The following PPFIA2 variants were observed in gnomAD, a reference collection of about 807,000 sequenced individuals.
PPFIA2 encodes PPFI scaffold protein A2.
Under a neutral mutation model 175.5 loss-of-function variants are expected in PPFIA2, and 46 were observed. The ratio of observed to expected loss-of-function variants is 0.26; its 90% CI spans 0.21 to 0.34. The LOEUF is 0.34. Ranked by LOEUF, PPFIA2 falls within the 10% of genes least tolerant of loss-of-function variation. The pLI, the probability that PPFIA2 is intolerant of heterozygous loss-of-function variation, is 1.00. For missense variants in PPFIA2, 1,179 were observed against 1,506.1 expected (o/e 0.78, Z 3.60); for synonymous variants, 568 against 511.4 (o/e 1.11, Z -1.49).
intron 4 of PPFIA2, among the ~76,000 whole-genome samples, chr12:81,652,453 G>A (rs879377468): frequency 9.2e-5 from 14 of 151,742 alleles, no homozygotes; most frequent in Non-Finnish European, 1.9e-4. Flanking sequence ...ATGTATTGCT[G>A]AGGAAAATTT....
intron 4 of PPFIA2, among the ~76,000 whole-genome samples, chr12:81,649,171 A>C (rs2066630848): frequency 6.6e-6 from 1 of 152,150 alleles, no homozygotes; most frequent in Non-Finnish European, 1.5e-5. Flanking sequence ...AAAGGCATGC[A>C]ACAGATTCAG....
chr12:81,577,410 G>C (rs2073742298), intron 4 of PPFIA2, among the ~76,000 whole-genome samples: 1 of 151,820 alleles, frequency 6.6e-6, no homozygotes, highest in South Asian at 2.1e-4. Flanking sequence ...TTCCTACTAA[G>C]AAGAAGCCAT....
At chr12:81,279,078 A>C (rs2041387717) in intron 27 of PPFIA2, 1 of 152,178 alleles carries the variant, frequency 6.6e-6, no homozygotes, top group Admixed American at 6.5e-5. Context: ...AGTGCCCTTA[A>C]AGAGGTAATT....
intron 4 of PPFIA2, among the ~76,000 whole-genome samples, chr12:81,580,179 C>T (rs2074191329): frequency 6.6e-6 from 1 of 151,800 alleles, no homozygotes; most frequent in South Asian, 2.1e-4. Flanking sequence ...ACCTGTTTTG[C>T]ATTCGTGCAT....
At chr12:81,613,903 T>A (rs2061182480) in intron 4 of PPFIA2, among the ~76,000 whole-genome samples, 1 of 152,172 alleles carries the variant, frequency 6.6e-6, no homozygotes, top group Admixed American at 6.5e-5. Flanking sequence ...ATACTTATTC[T>A]AAGATTATTA....
At position 81,258,242 on chromosome 12, in the gene PPFIA2, G is replaced by A. The variant is rs2034397982; in HGVS notation, c.*1452C>T. The A allele has an allele frequency of 6.6e-6, 1 of 152,036 alleles. No homozygotes were observed. The highest frequency in any genetic ancestry group is 2.1e-4 in the South Asian group (1 of 4,830). 9.4% of individuals were successfully genotyped at this position (152,036 alleles called of 1,614,324 possible). A position where few individuals can be genotyped will look rare whatever the true frequency, so the allele number is the denominator to read the frequency against. On this transcript the variant is annotated 3_prime_UTR_variant, in exon 33 of 33. Transcript: ENST00000549396. The stretch of plus-strand genomic sequence containing the variant: ...TAAATTGTCGAGCCTTATGTGACTA[G>A]AAAACAAAGCTTAAACAGAGAACTG...
intron 22 of PPFIA2, among the ~76,000 whole-genome samples, chr12:81,317,812 T>C (rs915975953): frequency 1.3e-5 from 2 of 151,794 alleles, no homozygotes; most frequent in African/African-American, 2.4e-5. Flanking sequence ...TGTTCAGTTC[T>C]CTTCTGAATT....
chr12:81,651,044 C>A (rs1193750764), intron 4 of PPFIA2, among the ~76,000 whole-genome samples: 1 of 152,136 alleles, frequency 6.6e-6, no homozygotes, highest in Non-Finnish European at 1.5e-5. Context: ...AAAATCTTTT[C>A]ACATAAAATG....
intron 4 of PPFIA2, among the ~76,000 whole-genome samples, chr12:81,635,392 T>C (rs960023897): frequency 5.3e-5 from 8 of 152,188 alleles, no homozygotes; most frequent in African/African-American, 1.7e-4. Context: ...TATAAAAATA[T>C]GTGACAGAAA....
intron 4 of PPFIA2, among the ~76,000 whole-genome samples, chr12:81,489,791 C>T (rs972094254): frequency 6.6e-6 from 1 of 151,754 alleles, no homozygotes; most frequent in Non-Finnish European, 1.5e-5. Context: ...ACACTTAATT[C>T]AAAACATTTA....
intron 4 of PPFIA2, among the ~76,000 whole-genome samples, chr12:81,489,442 C>T (rs1270751540): frequency 6.6e-6 from 1 of 151,778 alleles, no homozygotes; most frequent in East Asian, 1.9e-4. Context: ...TGTTTCAATG[C>T]ACCTGTTGAA....
chr12:81,577,386 C>T (rs2073737325), intron 4 of PPFIA2, among the ~76,000 whole-genome samples: 2 of 151,724 alleles, frequency 1.3e-5, no homozygotes, highest in East Asian at 1.9e-4. Context: ...TAGATATAAC[C>T]GTCAAACATA....
At chr12:81,544,834 T>C (rs2066749262) in intron 4 of PPFIA2, among the ~76,000 whole-genome samples, 1 of 152,196 alleles carries the variant, frequency 6.6e-6, no homozygotes, top group Admixed American at 6.6e-5. Flanking sequence ...TCATTACTAC[T>C]GAAGAATTCA....
rs749033306 is a variant in PPFIA2, at chr12:81,384,250, GA to G, written c.763-7del. ...ATAGAACCATTGGACAAACGCTGCAGAAATAGAAAAAGAAATGGCACTTAAG... is the reference window on the plus strand; with the variant it reads ...ATAGAACCATTGGACAAACGCTGCAGAATAGAAAAAGAAATGGCACTTAAG... On this transcript the variant is annotated splice_polypyrimidine_tract_variant and splice_region_variant and intron_variant, in intron 8 of 32. Transcript: ENST00000549396. The G allele has an allele frequency of 6.2e-6, 9 of 1,461,144 alleles. No individual in the cohort carries two copies. The highest frequency in any genetic ancestry group is 8.2e-6 in the Non-Finnish European group (9 of 1,092,786). 90.5% of individuals were successfully genotyped at this position (1,461,144 alleles called of 1,614,324 possible). A position where few individuals can be genotyped will look rare whatever the true frequency, so the allele number is the denominator to read the frequency against.
intron 4 of PPFIA2, among the ~76,000 whole-genome samples, chr12:81,597,096 T>G (rs774007282): frequency 6.6e-6 from 1 of 152,122 alleles, no homozygotes; most frequent in Non-Finnish European, 1.5e-5. Context: ...AATAATTAAA[T>G]GTCAGGCTGT....
chr12:81,525,498 G>A (rs547921749), intron 4 of PPFIA2, among the ~76,000 whole-genome samples: 1 of 152,198 alleles, frequency 6.6e-6, no homozygotes, highest in Non-Finnish European at 1.5e-5. Flanking sequence ...AGAGCTGAGG[G>A]TCTCAGTACT....
chr12:81,391,146 T>C (rs1421816093), intron 8 of PPFIA2, among the ~76,000 whole-genome samples: 1 of 151,932 alleles, frequency 6.6e-6, no homozygotes, highest in Non-Finnish European at 1.5e-5. Flanking sequence ...AGTATTATCA[T>C]AAAGTTTTAT....
chr12:81,502,602 A>C (rs2060701866), intron 4 of PPFIA2, among the ~76,000 whole-genome samples: 1 of 152,190 alleles, frequency 6.6e-6, no homozygotes, highest in African/African-American at 2.4e-5. Flanking sequence ...CTCTTCATTG[A>C]TGATTCATTC....
At chr12:81,483,855 C>T (rs1428014332) in intron 4 of PPFIA2, among the ~76,000 whole-genome samples, 1 of 151,998 alleles carries the variant, frequency 6.6e-6, no homozygotes, top group Non-Finnish European at 1.5e-5. Flanking sequence ...CACTTGGGAA[C>T]TTATAACATT....
Sources: gnomAD v4.1 joint callset for allele counts (sites outside exome capture counted in the v4.1 genomes callset) on GRCh38, gnomAD v4.1.1 for gene constraint, MANE v1.5 for transcripts, NCBI Gene and HGNC (gene_info 2026-07-23, HGNC 2026-07-21) for gene names.